The following DOCK4 variants were observed in gnomAD, a reference collection of about 807,000 sequenced individuals.
DOCK4 encodes dedicator of cytokinesis protein 4.
A neutral mutation model predicts 268.1 loss-of-function variants in DOCK4; 97 were observed. The observed-to-expected ratio is 0.36, with a 90% CI of 0.31 to 0.43. DOCK4 has a LOEUF of 0.43. Among genes scored for constraint, DOCK4 ranks in the 20% least tolerant of loss-of-function variants. The pLI is 1.00. For synonymous variants in DOCK4, 954 were observed against 887.2 expected, an observed-to-expected ratio of 1.08 and a Z score of -1.34; for missense variants, 2,145 against 2,455.7, an observed-to-expected ratio of 0.87 and a Z score of 2.67.
chr7:112,030,001 G>GC (rs1803137072), intron 1 of DOCK4, among the ~76,000 whole-genome samples: 2 of 152,162 alleles, frequency 1.3e-5, no homozygotes, highest in African/African-American at 4.8e-5. Flanking sequence ...TAGAAGCAAA[G>GC]CAGCTCCATA....
rs567629625 is a variant in DOCK4, at chr7:111,926,981, T to C, written c.1066+8559A>G. Among the ~76,000 whole-genome samples the C allele has an allele frequency of 3.4e-4, 51 of 151,782 alleles. No individual in the cohort carries two copies. In the South Asian group the frequency reaches 9.5e-3, roughly 28 times the overall value. On this transcript the variant is annotated intron_variant, in intron 12 of 52. Transcript: ENST00000428084. Reference sequence around the variant, plus strand: ...ACTTTTATTTCTTAATAGTCATACCTTGGTTTCTGAGTTTTAGCCAGTATT... The same window carrying C: ...ACTTTTATTTCTTAATAGTCATACCCTGGTTTCTGAGTTTTAGCCAGTATT...
chr7:112,077,843 C>A (rs1022831454), intron 1 of DOCK4, among the ~76,000 whole-genome samples: 1 of 151,964 alleles, frequency 6.6e-6, no homozygotes, highest in Non-Finnish European at 1.5e-5. Flanking sequence ...AATCAGTAAA[C>A]TTATCAGTTA....
intron 27 of DOCK4, chr7:111,821,383 A>C (rs992469383): frequency 6.6e-6 from 1 of 152,212 alleles, no homozygotes; most frequent in African/African-American, 2.4e-5. Flanking sequence ...GGAGAGTGAC[A>C]ATGCTAATGA....
At chr7:111,869,297 C>T (rs562204277) in intron 21 of DOCK4, among the ~76,000 whole-genome samples, 70 of 152,242 alleles carry the variant, frequency 4.6e-4, no homozygotes, top group African/African-American at 1.6e-3. Flanking sequence ...CTCATAAACC[C>T]TCCCTCTCTC....
chr7:112,008,664 T>C (rs897229591), intron 1 of DOCK4, among the ~76,000 whole-genome samples: 1 of 152,178 alleles, frequency 6.6e-6, no homozygotes, highest in Admixed American at 6.5e-5. Context: ...ATCACAACAG[T>C]CCATGACTTT....
intron 8 of DOCK4, among the ~76,000 whole-genome samples, chr7:111,952,738 A>G (rs1796149051): frequency 6.6e-6 from 1 of 152,222 alleles, no homozygotes; most frequent in African/African-American, 2.4e-5. Flanking sequence ...CAACAGTTAA[A>G]TATCATTGAA....
chr7:112,037,258 A>G (rs1563019145), intron 1 of DOCK4, among the ~76,000 whole-genome samples: 1 of 152,146 alleles, frequency 6.6e-6, no homozygotes. Context: ...CTAAGATAAG[A>G]TGTTCAGTAA....
chr7:112,199,843 T>C (rs1820761621), intron 1 of DOCK4, among the ~76,000 whole-genome samples: 1 of 152,212 alleles, frequency 6.6e-6, no homozygotes. Context: ...ATGTAATCCT[T>C]GTCAAAAAGG....
intron 25 of DOCK4, among the ~76,000 whole-genome samples, chr7:111,839,663 T>A (rs1194583190): frequency 6.6e-6 from 1 of 152,210 alleles, no homozygotes; most frequent in Non-Finnish European, 1.5e-5. Context: ...TTATTGTCAA[T>A]CCCAACATCT....
Position 111,994,182 on chromosome 7 carries a change from T to A in DOCK4, c.268A>T (p.Thr90Ser), listed in dbSNP as rs915698770. The change falls in exon 5 of 53, where the codon ACA becomes TCA. Residue 90 changes from threonine to serine, a missense_variant. By Grantham distance (58) the Thr-to-Ser change is moderately conservative (BLOSUM62 1). Transcript: ENST00000428084. Reference sequence around the variant, plus strand: ...GTTCCCCAGTCTCTTAATGTTGATGTCATTTCTGTGATAACAGAGTCTTCA... The same window carrying A: ...GTTCCCCAGTCTCTTAATGTTGATGACATTTCTGTGATAACAGAGTCTTCA... ...PTEDSVITEM[T>S]STLRDWGTMW... 1.2e-6 allele frequency: 2 copies of A among 1,608,868 alleles called. No individual in the cohort carries two copies. Among genetic ancestry groups the A allele is most frequent in the Admixed American group, 3.3e-5 (2 of 59,714 alleles).
At chr7:112,116,195 C>A (rs1425131378) in intron 1 of DOCK4, among the ~76,000 whole-genome samples, 1 of 152,130 alleles carries the variant, frequency 6.6e-6, no homozygotes, top group Non-Finnish European at 1.5e-5. Flanking sequence ...CCCCAGCAAC[C>A]ACTAACCTGC....
At chr7:111,860,383 C>A (rs1465621172) in intron 23 of DOCK4, among the ~76,000 whole-genome samples, 2 of 152,196 alleles carry the variant, frequency 1.3e-5, no homozygotes, top group African/African-American at 4.8e-5. Flanking sequence ...ATGTGTTCTG[C>A]CCAGCCCATC....
At chr7:111,773,676 CAT>C (rs1483279335) in intron 36 of DOCK4, among the ~76,000 whole-genome samples, 4 of 152,070 alleles carry the variant, frequency 2.6e-5, no homozygotes, top group Non-Finnish European at 5.9e-5. Flanking sequence ...TTAAATCTCA[CAT>C]TGCTAGGCAC....
chr7:112,141,733 G>T (rs779218260), intron 1 of DOCK4, among the ~76,000 whole-genome samples: 5 of 152,108 alleles, frequency 3.3e-5, no homozygotes, highest in Non-Finnish European at 5.9e-5. Flanking sequence ...ATGGGGGCCT[G>T]GCAGGTAATG....
chr7:112,194,380 A>G (rs1587023992), intron 1 of DOCK4, among the ~76,000 whole-genome samples: 1 of 152,228 alleles, frequency 6.6e-6, no homozygotes, highest in Non-Finnish European at 1.5e-5. Context: ...AACAAATTAA[A>G]AGAGCAATTA....
chr7:111,920,464 T>C (rs1227335263), intron 12 of DOCK4, among the ~76,000 whole-genome samples: 4 of 152,172 alleles, frequency 2.6e-5, no homozygotes, highest in Non-Finnish European at 4.4e-5. Context: ...TATTTACACA[T>C]TCCAATTACC....
intron 1 of DOCK4, among the ~76,000 whole-genome samples, chr7:112,011,674 G>A (rs574278802): frequency 6.8e-6 from 1 of 147,904 alleles, no homozygotes; most frequent in South Asian, 2.1e-4. Context: ...TCATAAACAG[G>A]CTCTTCACCT....
chr7:111,900,631 C>G (rs567686575), intron 14 of DOCK4, 95 bp from the exon 15 acceptor site: 3 of 1,290,892 alleles, frequency 2.3e-6, no homozygotes, highest in Non-Finnish European at 3.2e-6. Context: ...GCCTGCCTCT[C>G]AAATAGCACT....
chr7:111,995,260 T>C (rs1799845001), intron 4 of DOCK4, among the ~76,000 whole-genome samples: 1 of 152,096 alleles, frequency 6.6e-6, no homozygotes, highest in Admixed American at 6.6e-5. Flanking sequence ...CTCAATATCC[T>C]GACCTTGTGA....
Sources: allele counts gnomAD v4.1 joint callset (sites outside exome capture counted in the v4.1 genomes callset), GRCh38; gene constraint gnomAD v4.1.1; transcripts MANE v1.5; gene names NCBI Gene and HGNC (gene_info 2026-07-23, HGNC 2026-07-21).